The following C12orf42 variants were observed in gnomAD, a reference collection of about 807,000 sequenced individuals.
C12orf42 encodes the protein chromosome 12 open reading frame 42, also known as uncharacterized protein C12orf42.
A neutral mutation model predicts 21.6 loss-of-function variants in C12orf42; 25 were observed. The ratio of observed to expected loss-of-function variants is 1.16; its 90% CI spans 0.84 to 1.62. The LOEUF is 1.62. Ranked by LOEUF, C12orf42 falls within the 40% of genes most tolerant of loss-of-function variation. C12orf42 has a pLI of 0.00. For missense variants in C12orf42, 483 were observed against 459.3 expected (o/e 1.05, Z -0.47); for synonymous variants, 174 against 175.0 (o/e 0.99, Z 0.05).
chr12:103,335,861 C>T (rs1229856827), intron 4 of C12orf42, among the ~76,000 whole-genome samples: 1 of 152,162 alleles, frequency 6.6e-6, no homozygotes, highest in Non-Finnish European at 1.5e-5. Context: ...AAGCAAAATG[C>T]GAATTAGCTC....
chr12:103,091,727 G>T, the C12orf42 span, among the ~76,000 whole-genome samples: 1 of 152,138 alleles, frequency 6.6e-6, no homozygotes, highest in Non-Finnish European at 1.5e-5. Flanking sequence ...GACATTTGGG[G>T]TTTTCATCCA....
At chr12:103,169,643 A>T in the C12orf42 span, among the ~76,000 whole-genome samples, 1 of 152,210 alleles carries the variant, frequency 6.6e-6, no homozygotes, top group Non-Finnish European at 1.5e-5. Flanking sequence ...TCAGAAAATA[A>T]ATGCTACTAC....
intron 1 of C12orf42, among the ~76,000 whole-genome samples, chr12:103,483,821 C>A (rs1373869924): frequency 6.6e-6 from 1 of 152,114 alleles, no homozygotes; most frequent in South Asian, 2.1e-4. Flanking sequence ...CAGCCCCCAC[C>A]ACATGACAGG....
At chr12:103,237,363 A>G (rs2033501393), downstream of C12orf42, among the ~76,000 whole-genome samples, 1 of 152,178 alleles carries the variant, frequency 6.6e-6, no homozygotes, top group Non-Finnish European at 1.5e-5. Context: ...TGGCACAGTG[A>G]CAAGATCCCA....
At chr12:103,221,656 G>A in the C12orf42 span, among the ~76,000 whole-genome samples, 1 of 152,154 alleles carries the variant, frequency 6.6e-6, no homozygotes, top group East Asian at 1.9e-4. Flanking sequence ...TCATGATACA[G>A]AGAAAGGCAT....
the C12orf42 span, among the ~76,000 whole-genome samples, chr12:103,086,635 C>T: frequency 6.6e-6 from 1 of 151,778 alleles, no homozygotes; most frequent in Non-Finnish European, 1.5e-5. Flanking sequence ...TGCCGTGCAA[C>T]TAAAGGGCAG....
At chr12:103,396,816 G>A (rs1057249589) in intron 3 of C12orf42, 3 of 152,226 alleles carry the variant, frequency 2.0e-5, no homozygotes, top group Non-Finnish European at 4.4e-5. Context: ...CAAGTGGGGA[G>A]ACCAGTAGGG....
chr12:103,277,309 T>C, intron 4 of C12orf42: 1 of 291,574 alleles, frequency 3.4e-6, no homozygotes, highest in Non-Finnish European at 6.7e-6. Flanking sequence ...CAAATAATAC[T>C]ATTTAATGAA....
the C12orf42 span, among the ~76,000 whole-genome samples, chr12:103,553,346 C>T: frequency 2.6e-5 from 4 of 152,114 alleles, no homozygotes; most frequent in Non-Finnish European, 1.5e-5. Context: ...GCATATGACT[C>T]GCAGGCTCAC....
At chr12:103,217,447 T>G in the C12orf42 span, among the ~76,000 whole-genome samples, 1 of 151,250 alleles carries the variant, frequency 6.6e-6, no homozygotes, top group Non-Finnish European at 1.5e-5. Flanking sequence ...GAGGATCCCT[T>G]GAGCCTCAGA....
chr12:103,259,506 T>C (rs940138013), intron 10 of C12orf42, among the ~76,000 whole-genome samples: 5 of 152,188 alleles, frequency 3.3e-5, no homozygotes, highest in Admixed American at 3.3e-4. Context: ...CTTGAACTCC[T>C]GGCCTCAGGT....
rs1251407132 is a variant in C12orf42, at chr12:103,281,507, C to T, written n.338-4297G>A. Among the ~76,000 whole-genome samples, 3 of 152,128 alleles carry T rather than the reference C, an allele frequency of 2.0e-5. No individual in the cohort carries two copies. In the East Asian group the frequency reaches 5.8e-4, roughly 29 times the overall value. ...CCTCCCAAGTAGCTACAGGCGCCCA[C>T]CACCATGCCTGGCTAATTTTTTGTA... On this transcript the variant is annotated intron_variant and non_coding_transcript_variant, in intron 4 of 6. Transcript: ENST00000546526.
chr12:103,506,898 T>A, the C12orf42 span, among the ~76,000 whole-genome samples: 1 of 50,110 alleles, frequency 2.0e-5, no homozygotes, highest in Non-Finnish European at 3.1e-5. Context: ...AAATATATAT[T>A]TATATATTAT....
intron 10 of C12orf42, among the ~76,000 whole-genome samples, chr12:103,241,881 C>T (rs2033766746): frequency 6.6e-6 from 1 of 152,108 alleles, no homozygotes; most frequent in South Asian, 2.1e-4. Flanking sequence ...TGTTATTAGT[C>T]TTTTTCAAAG....
intron 4 of C12orf42, among the ~76,000 whole-genome samples, chr12:103,310,124 T>C (rs995036297): frequency 6.6e-4 from 100 of 152,216 alleles, no homozygotes; most frequent in African/African-American, 2.3e-3. Flanking sequence ...GGGAGGTGAT[T>C]GGATAATGGG....
Position 103,401,653 on chromosome 12 carries a change from A to G in C12orf42, c.101T>C (p.Ile34Thr), listed in dbSNP as rs200782771. The change falls in exon 3 of 6, where the codon ATT (isoleucine) becomes ACT (threonine). Residue 34 changes from isoleucine (I) to threonine (T), a missense_variant. By Grantham distance (89) the Ile-to-Thr change is moderately conservative. Coordinates refer to ENST00000548883, the MANE Select transcript of C12orf42 (RefSeq NM_198521.5). ...RMQKSPCYIP[I>T]VSSATLWDRS... ...ATCCCACAGGGTGGCACTGCTCACA[A>G]TGGGAATATAGCAAGGGGATTTCTG... is the stretch of plus-strand genomic sequence containing the variant. 43 of 1,613,896 alleles carry G rather than the reference A, an allele frequency of 2.7e-5. No homozygotes were observed. The East Asian group carries it at 8.7e-4, about 33-fold the overall frequency.
the C12orf42 span, among the ~76,000 whole-genome samples, chr12:103,514,421 G>A: frequency 6.6e-6 from 1 of 152,134 alleles, no homozygotes. Context: ...CCGTCTTCCT[G>A]GAAGACGGGA....
the C12orf42 span, among the ~76,000 whole-genome samples, chr12:103,147,623 C>CTTTTTTTTTTTTTTT: frequency 3.0e-5 from 3 of 99,314 alleles, no homozygotes; most frequent in African/African-American, 8.2e-5. Flanking sequence ...TTCTCTCTCT[C>CTTTTTTTTTTTTTTT]TTTTTTTTTT....
downstream of C12orf42, among the ~76,000 whole-genome samples, chr12:103,235,592 T>C (rs775816336): frequency 2.0e-5 from 3 of 152,180 alleles, no homozygotes; most frequent in Admixed American, 6.5e-5. Flanking sequence ...CCTCATGTGT[T>C]TATGCATAGT....
Sources: gnomAD v4.1 joint callset for allele counts (sites outside exome capture counted in the v4.1 genomes callset) on GRCh38, gnomAD v4.1.1 for gene constraint, MANE v1.5 for transcripts, NCBI Gene and HGNC (gene_info 2026-07-23, HGNC 2026-07-21) for gene names.